The following KANSL1 variants were observed in gnomAD, a reference collection of about 807,000 sequenced individuals.
KANSL1 encodes MLL1/MLL complex subunit KANSL1.
KANSL1 carries 22 observed loss-of-function variants against 103.6 expected under a neutral mutation model. That is an observed-to-expected ratio of 0.21 (90% confidence interval 0.15 to 0.30). KANSL1 has a LOEUF of 0.30. Among genes scored for constraint, KANSL1 ranks in the 10% least tolerant of loss-of-function variants. The pLI is 1.00. For synonymous variants in KANSL1, 600 were observed against 527.6 expected (o/e 1.14, Z -1.88); for missense variants, 1,337 against 1,399.8 (o/e 0.96, Z 0.72).
chr17:46,181,893 T>A (rs1454721113), intron 1 of KANSL1, among the ~76,000 whole-genome samples: 1 of 152,190 alleles, frequency 6.6e-6, no homozygotes, highest in Non-Finnish European at 1.5e-5. Flanking sequence ...ACTTTTTTTT[T>A]TTGTCCCCAA....
intron 1 of KANSL1, among the ~76,000 whole-genome samples, chr17:46,211,053 TA>T (rs1345471288): frequency 6.6e-5 from 10 of 152,026 alleles, no homozygotes; most frequent in Non-Finnish European, 1.3e-4. Context: ...ATATGAGTGT[TA>T]AAAAATTACA....
intron 2 of KANSL1, among the ~76,000 whole-genome samples, chr17:46,152,278 T>C (rs996764325): frequency 4.6e-5 from 7 of 152,232 alleles, no homozygotes; most frequent in African/African-American, 1.7e-4. Context: ...TAACCTGACA[T>C]TGAGATTCTA....
At chr17:46,177,299 G>C (rs1308544702) in intron 1 of KANSL1, among the ~76,000 whole-genome samples, 1 of 152,206 alleles carries the variant, frequency 6.6e-6, no homozygotes, top group Non-Finnish European at 1.5e-5. Flanking sequence ...AACATAGAAG[G>C]AATGAATTTC....
At chr17:46,139,429 C>T (rs931248214) in intron 2 of KANSL1, among the ~76,000 whole-genome samples, 3 of 152,172 alleles carry the variant, frequency 2.0e-5, no homozygotes, top group African/African-American at 7.2e-5. Context: ...CATTATTTCT[C>T]TCTAACATCA....
intron 2 of KANSL1, among the ~76,000 whole-genome samples, chr17:46,153,257 C>T (rs2045223675): frequency 1.3e-5 from 2 of 152,138 alleles, no homozygotes; most frequent in Admixed American, 1.3e-4. Context: ...TTAGGAGACA[C>T]GAATAATTAT....
At chr17:46,046,821 A>G (rs1466386561) in intron 7 of KANSL1, among the ~76,000 whole-genome samples, 1 of 146,106 alleles carries the variant, frequency 6.8e-6, no homozygotes, top group Non-Finnish European at 1.5e-5. Flanking sequence ...TGGGTGACAG[A>G]GCAAAACTGT....
chr17:46,104,160 A>G (rs2042434169), intron 2 of KANSL1, among the ~76,000 whole-genome samples: 1 of 152,222 alleles, frequency 6.6e-6, no homozygotes, highest in Admixed American at 6.5e-5. Flanking sequence ...AATACACTCA[A>G]TCTTTTAAAA....
At chr17:46,205,414 G>T (rs1010990963) in intron 1 of KANSL1, among the ~76,000 whole-genome samples, 1 of 151,990 alleles carries the variant, frequency 6.6e-6, no homozygotes, top group Admixed American at 6.6e-5. Context: ...AAGCACGATG[G>T]CTCACACCTG....
chr17:46,080,711 C>T (rs2078959056), intron 4 of KANSL1, among the ~76,000 whole-genome samples: 3 of 150,810 alleles, frequency 2.0e-5, no homozygotes, highest in African/African-American at 7.4e-5. Context: ...CCCCCCACCC[C>T]ACCCCCCAAC....
At chr17:46,176,828 G>A (rs1429615726) in intron 1 of KANSL1, among the ~76,000 whole-genome samples, 2 of 151,822 alleles carry the variant, frequency 1.3e-5, no homozygotes, top group Non-Finnish European at 2.9e-5. Flanking sequence ...ATCCCCATAG[G>A]ATACACAGCA....
At chr17:46,059,489 C>T (rs1209314965) in intron 6 of KANSL1, among the ~76,000 whole-genome samples, 3 of 151,676 alleles carry the variant, frequency 2.0e-5, no homozygotes, top group African/African-American at 4.8e-5. Flanking sequence ...CATGGTAGCA[C>T]GCGCCTGTAG....
At chr17:46,164,250 A>G (rs946442042) in intron 2 of KANSL1, among the ~76,000 whole-genome samples, 12 of 152,276 alleles carry the variant, frequency 7.9e-5, no homozygotes, top group Non-Finnish European at 1.0e-4. Context: ...TATAGCAACT[A>G]TATCTACGGT....
At chr17:46,114,025 G>C (rs2042936006) in intron 2 of KANSL1, among the ~76,000 whole-genome samples, 1 of 152,164 alleles carries the variant, frequency 6.6e-6, no homozygotes, top group Admixed American at 6.5e-5. Context: ...AGAGTCATAA[G>C]CCAAGTCAGA....
intron 1 of KANSL1, among the ~76,000 whole-genome samples, chr17:46,187,847 C>A (rs2047103532): frequency 6.6e-6 from 1 of 152,204 alleles, no homozygotes; most frequent in Admixed American, 6.5e-5. Flanking sequence ...TCAGACTGCC[C>A]AAACTCATTT....
chr17:46,125,047 GGAGGGAGGGA>G lies in KANSL1; in HGVS notation c.1290-30356_1290-30347del, dbSNP rs1567702454. Among the ~76,000 whole-genome samples, 438 of 69,068 alleles carry G rather than the reference GGAGGGAGGGA, an allele frequency of 6.3e-3. 15 individuals carry two copies. The highest frequency in any genetic ancestry group is 0.015 in the Middle Eastern group (2 of 136). 45.3% of individuals were successfully genotyped at this position (69,068 alleles called of 152,430 possible). A position where few individuals can be genotyped will look rare whatever the true frequency, so the allele number is the denominator to read the frequency against. ...GGGAGGGGAGGTAGGGAGGGAGGGA[GGAGGGAGGGA>G]GGAGGGAGGGAGGAGGGAGGGAGGG... On this transcript the variant is annotated intron_variant, in intron 2 of 14. Coordinates refer to ENST00000432791, the MANE Select transcript of KANSL1 (RefSeq NM_015443.4).
At chr17:46,114,881 G>A (rs925331251) in intron 2 of KANSL1, among the ~76,000 whole-genome samples, 4 of 152,134 alleles carry the variant, frequency 2.6e-5, no homozygotes, top group South Asian at 2.1e-4. Context: ...TATATCACAC[G>A]GATTCTGTTT....
intron 1 of KANSL1, among the ~76,000 whole-genome samples, chr17:46,218,822 T>C (rs1479650505): frequency 1.3e-5 from 2 of 151,958 alleles, no homozygotes; most frequent in Non-Finnish European, 2.9e-5. Context: ...AGAACAGTAG[T>C]AGTCCACTGA....
At chr17:46,191,051 T>C (rs542401750) in intron 1 of KANSL1, among the ~76,000 whole-genome samples, 23 of 152,362 alleles carry the variant, frequency 1.5e-4, no homozygotes, top group African/African-American at 5.5e-4. Context: ...AAAAAGTTTC[T>C]TAATTCAAAA....
At chr17:46,113,976 G>T (rs887579363) in intron 2 of KANSL1, among the ~76,000 whole-genome samples, 5 of 152,142 alleles carry the variant, frequency 3.3e-5, no homozygotes, top group Non-Finnish European at 7.3e-5. Context: ...TGAGTAAAAT[G>T]AGCCCAAAAT....
Sources: gnomAD v4.1 joint callset for allele counts (sites outside exome capture counted in the v4.1 genomes callset) on GRCh38, gnomAD v4.1.1 for gene constraint, MANE v1.5 for transcripts, NCBI Gene and HGNC (gene_info 2026-07-23, HGNC 2026-07-21) for gene names.